Variants in CTNNBL1 observed in about 807,000 individuals in gnomAD.
The protein encoded by CTNNBL1 is beta-catenin-like protein 1.
CTNNBL1 carries 31 observed loss-of-function variants against 72.7 expected under a neutral mutation model. The ratio of observed to expected loss-of-function variants is 0.43; its 90% CI spans 0.32 to 0.58. The LOEUF (loss-of-function observed/expected upper bound fraction) is 0.58. Ranked by LOEUF, CTNNBL1 falls within the 20% of genes least tolerant of loss-of-function variation. The pLI, the probability that CTNNBL1 is intolerant of heterozygous loss-of-function variation, is 0.08. For missense variants in CTNNBL1, 534 were observed against 725.1 expected, an observed-to-expected ratio of 0.74 and a Z score of 3.03; for synonymous variants, 240 against 267.3, an observed-to-expected ratio of 0.90 and a Z score of 1.00.
chr20:37,721,167 A>G (rs570631020), intron 1 of CTNNBL1, among the ~76,000 whole-genome samples: 8 of 152,124 alleles, frequency 5.3e-5, no homozygotes, highest in Non-Finnish European at 1.2e-4. Context: ...GGATTCCATT[A>G]TTGATTTTTC....
At chr20:37,842,917 A>C (rs1221591651) in intron 13 of CTNNBL1, among the ~76,000 whole-genome samples, 2 of 152,244 alleles carry the variant, frequency 1.3e-5, no homozygotes, top group African/African-American at 4.8e-5. Context: ...CATTGCAGCC[A>C]AGCCAAACCG....
At chr20:37,749,629 A>C (rs1466262966) in intron 4 of CTNNBL1, among the ~76,000 whole-genome samples, 1 of 152,218 alleles carries the variant, frequency 6.6e-6, no homozygotes, top group Non-Finnish European at 1.5e-5. Context: ...TCTTACATCA[A>C]ATTTAAAGTG....
intron 11 of CTNNBL1, among the ~76,000 whole-genome samples, chr20:37,825,077 G>A (rs894580220): frequency 6.6e-6 from 1 of 152,242 alleles, no homozygotes; most frequent in Admixed American, 6.5e-5. Flanking sequence ...AATGGACTGG[G>A]CGTGGTGGCT....
intron 1 of CTNNBL1, among the ~76,000 whole-genome samples, chr20:37,705,470 AT>A (rs1385091599): frequency 2.0e-5 from 3 of 151,848 alleles, no homozygotes; most frequent in Non-Finnish European, 4.4e-5. Context: ...GCAAAAAAAA[AT>A]TTTTTTTTAA....
intron 13 of CTNNBL1, among the ~76,000 whole-genome samples, chr20:37,848,045 G>A (rs929390971): frequency 5.3e-5 from 8 of 152,066 alleles, no homozygotes; most frequent in East Asian, 3.9e-4. Flanking sequence ...GAAACTGTGC[G>A]GCTGCCATCG....
intron 1 of CTNNBL1, among the ~76,000 whole-genome samples, chr20:37,710,161 A>T (rs2072924682): frequency 6.6e-6 from 1 of 152,244 alleles, no homozygotes; most frequent in Non-Finnish European, 1.5e-5. Context: ...TCTCAGGAGC[A>T]TCATTATGAA....
chr20:37,853,119 T>C (rs962757592), intron 13 of CTNNBL1, among the ~76,000 whole-genome samples: 4 of 152,234 alleles, frequency 2.6e-5, no homozygotes, highest in African/African-American at 9.6e-5. Flanking sequence ...ATTTGTAACC[T>C]GTTAGTTCAG....
chr20:37,808,234 C>A (rs767342800), intron 11 of CTNNBL1, among the ~76,000 whole-genome samples: 1 of 152,160 alleles, frequency 6.6e-6, no homozygotes, highest in Non-Finnish European at 1.5e-5. Flanking sequence ...GTAAGTGATT[C>A]CAGTGGACTC....
intron 10 of CTNNBL1, among the ~76,000 whole-genome samples, chr20:37,793,307 T>C (rs1268825189): frequency 6.6e-6 from 1 of 152,240 alleles, no homozygotes; most frequent in East Asian, 1.9e-4. Flanking sequence ...TTGAGTTCTT[T>C]TAGCTGCTTA....
intron 15 of CTNNBL1, among the ~76,000 whole-genome samples, chr20:37,864,154 G>A (rs969748833): frequency 2.0e-5 from 3 of 151,888 alleles, no homozygotes; most frequent in Admixed American, 6.6e-5. Flanking sequence ...TGGGACCCCC[G>A]TCCAAAAGCC....
chr20:37,765,389 G>A (rs1170887387), intron 6 of CTNNBL1, 99 bp downstream of exon 6: 1 of 774,062 alleles, frequency 1.3e-6, no homozygotes, highest in Non-Finnish European at 2.2e-6. Context: ...GTCAATAGCA[G>A]GCTGTTTTCC....
At chr20:37,769,936 T>C (rs2122672449) in intron 7 of CTNNBL1, among the ~76,000 whole-genome samples, 1 of 152,342 alleles carries the variant, frequency 6.6e-6, no homozygotes, top group East Asian at 1.9e-4. Context: ...TCTGACACTC[T>C]AGTCTTCTCC....
intron 10 of CTNNBL1, among the ~76,000 whole-genome samples, chr20:37,782,989 A>G (rs2073639081): frequency 1.3e-5 from 2 of 152,196 alleles, no homozygotes; most frequent in South Asian, 2.1e-4. Flanking sequence ...GTAGCTACAC[A>G]GTGTCTACCA....
intron 14 of CTNNBL1, 49 bp from the exon 15 acceptor site, chr20:37,860,223 C>G: frequency 6.5e-7 from 1 of 1,548,290 alleles, no homozygotes; most frequent in Non-Finnish European, 8.9e-7. Flanking sequence ...TCTGGTGTGT[C>G]AGGACAAATG....
chr20:37,870,737 C>A (rs2072577047), intron 15 of CTNNBL1, among the ~76,000 whole-genome samples: 1 of 152,298 alleles, frequency 6.6e-6, no homozygotes, highest in East Asian at 1.9e-4. Flanking sequence ...CAGGACCCAC[C>A]GCACAGAAAG....
At chr20:37,870,330 T>C (rs375264953) in intron 15 of CTNNBL1, among the ~76,000 whole-genome samples, 29 of 152,214 alleles carry the variant, frequency 1.9e-4, no homozygotes, top group African/African-American at 6.5e-4. Flanking sequence ...TCTCCCTCCC[T>C]TCCCCGAATA....
At chr20:37,707,830 G>A (rs2072901175) in intron 1 of CTNNBL1, among the ~76,000 whole-genome samples, 1 of 152,192 alleles carries the variant, frequency 6.6e-6, no homozygotes, top group Non-Finnish European at 1.5e-5. Flanking sequence ...AGTGAGAGAT[G>A]TGAGACTCTT....
chr20:37,771,904 C>T (rs2122676982), intron 7 of CTNNBL1, among the ~76,000 whole-genome samples: 1 of 152,268 alleles, frequency 6.6e-6, no homozygotes, highest in East Asian at 1.9e-4. Context: ...GAATTTTCTT[C>T]ATGCCCCCTT....
intron 1 of CTNNBL1, among the ~76,000 whole-genome samples, chr20:37,732,538 A>G (rs900528031): frequency 6.6e-6 from 1 of 152,198 alleles, no homozygotes; most frequent in Non-Finnish European, 1.5e-5. Flanking sequence ...AAAAATTCCC[A>G]CTGACTTTCA....
Sources: gnomAD v4.1 joint callset for allele counts (sites outside exome capture counted in the v4.1 genomes callset) on GRCh38, gnomAD v4.1.1 for gene constraint, MANE v1.5 for transcripts, NCBI Gene and HGNC (gene_info 2026-07-23, HGNC 2026-07-21) for gene names.